RPRD2: variants seen among roughly 807,000 people sequenced by gnomAD.
RPRD2 encodes regulation of nuclear pre-mRNA domain containing 2.
A neutral mutation model predicts 104.4 loss-of-function variants in RPRD2; 12 were observed. That is an observed-to-expected ratio of 0.11 (90% CI 0.07 to 0.19). The LOEUF (loss-of-function observed/expected upper bound fraction) is 0.19. RPRD2 is among the 10% of genes least tolerant of loss of function. The pLI is 1.00. For synonymous variants in RPRD2, 714 were observed against 684.9 expected, an observed-to-expected ratio of 1.04 and a Z score of -0.66; for missense variants, 1,543 against 1,790.1, an observed-to-expected ratio of 0.86 and a Z score of 2.49.
intron 2 of RPRD2, among the ~76,000 whole-genome samples, chr1:150,421,408 G>T (rs1664746832): frequency 6.6e-6 from 1 of 152,088 alleles, no homozygotes; most frequent in Non-Finnish European, 1.5e-5. Context: ...TGAAGGAAAA[G>T]ATTTGGTATT....
At position 150,364,441 on chromosome 1, in the gene RPRD2, A is replaced by G. The variant is rs1373199447; in HGVS notation, c.-274A>G. ...TTTTCTGCGTAATTTTTCCGTGATT[A>G]CTGACTGGTTTAAACACGACCCCTT... On this transcript the variant is annotated 5_prime_UTR_variant, in exon 1 of 11. Coordinates refer to ENST00000369068, the MANE Select transcript of RPRD2 (RefSeq NM_015203.5). Among the ~76,000 whole-genome samples the G allele has an allele frequency of 1.3e-5, 2 of 151,752 alleles. No individual in the cohort carries two copies. Among genetic ancestry groups the G allele is most frequent in the African/African-American group, 4.8e-5 (2 of 41,292 alleles).
chr1:150,419,628 T>C (rs587614076), intron 2 of RPRD2, among the ~76,000 whole-genome samples: 1 of 152,316 alleles, frequency 6.6e-6, no homozygotes, highest in South Asian at 2.1e-4. Flanking sequence ...ACCTTAATTT[T>C]TTCTTTTTTT....
intron 1 of RPRD2, among the ~76,000 whole-genome samples, chr1:150,384,450 C>CATCATCATTATTATT (rs1553881396): frequency 0.017 from 2,304 of 132,158 alleles, 31 homozygotes; most frequent in Non-Finnish European, 0.026. Context: ...GCATCATCAT[C>CATCATCATTATTATT]ATTATTATTA....
chr1:150,457,653 GA>G (rs1418174485), intron 8 of RPRD2, 83 bp downstream of exon 8: 1 of 1,144,490 alleles, frequency 8.7e-7, no homozygotes, highest in Non-Finnish European at 1.3e-6. Flanking sequence ...GGCAGGTATT[GA>G]AAGATAGTTC....
At chr1:150,404,152 T>C (rs73017086) in intron 1 of RPRD2, among the ~76,000 whole-genome samples, 7,220 of 152,286 alleles carry the variant, frequency 0.047, 435 homozygotes, top group African/African-American at 0.13. Flanking sequence ...TGTGTGATTA[T>C]GTGTTTGTGT....
At chr1:150,450,127 A>G (rs1667053172) in intron 7 of RPRD2, among the ~76,000 whole-genome samples, 2 of 152,156 alleles carry the variant, frequency 1.3e-5, no homozygotes, top group Admixed American at 1.3e-4. Context: ...AAAGAGTTCA[A>G]TTTTCTGGTA....
chr1:150,381,865 G>C (rs1661161317), intron 1 of RPRD2, among the ~76,000 whole-genome samples: 1 of 152,122 alleles, frequency 6.6e-6, no homozygotes, highest in African/African-American at 2.4e-5. Context: ...TTGTACTGTT[G>C]TATGTTGGTT....
chr1:150,448,131 A>G (rs587742524), intron 7 of RPRD2, among the ~76,000 whole-genome samples: 87 of 152,114 alleles, frequency 5.7e-4, no homozygotes, highest in Admixed American at 9.8e-4. Flanking sequence ...CTATCCCTTC[A>G]ATTTTCCAGC....
At chr1:150,451,914 G>T (rs2102389583) in intron 7 of RPRD2, among the ~76,000 whole-genome samples, 1 of 152,078 alleles carries the variant, frequency 6.6e-6, no homozygotes, top group South Asian at 2.1e-4. Context: ...GCTGAGGCAG[G>T]CAGATCCCTT....
At position 150,388,139 on chromosome 1, in the gene RPRD2, A is replaced by C. The variant is rs141636517; in HGVS notation, c.205+23220A>C. Among the ~76,000 whole-genome samples, 447 of 151,128 alleles carry C rather than the reference A, an allele frequency of 3.0e-3. 4 individuals carry two copies. The highest frequency in any genetic ancestry group is 0.01 in the African/African-American group (420 of 41,192). On this transcript the variant is annotated intron_variant, in intron 1 of 10. Transcript: ENST00000369068. ...CACTATGTTGCCTAGGCTGGTCTTA[A>C]ACTCCTGAGCTCAAGCAAACCACCC...
chr1:150,441,824 G>T, intron 3 of RPRD2, 57 bp from the exon 4 acceptor site: 4 of 1,279,026 alleles, frequency 3.1e-6, no homozygotes, highest in Non-Finnish European at 4.5e-6. Flanking sequence ...GCACTGAAGT[G>T]GACAGACAGA....
chr1:150,384,558 G>A (rs1024303027), intron 1 of RPRD2, among the ~76,000 whole-genome samples: 9 of 150,668 alleles, frequency 6.0e-5, no homozygotes, highest in African/African-American at 9.8e-5. Context: ...TGCCACCTCC[G>A]CCTCCTGGGT....
chr1:150,466,106 C>T (rs781830118), intron 10 of RPRD2, among the ~76,000 whole-genome samples: 3 of 150,974 alleles, frequency 2.0e-5, no homozygotes, highest in Admixed American at 1.3e-4. Context: ...GCGCCGGGCG[C>T]GGTGGCTCAC....
At chr1:150,431,933 A>T (rs1357963129) in intron 2 of RPRD2, among the ~76,000 whole-genome samples, 1 of 152,172 alleles carries the variant, frequency 6.6e-6, no homozygotes, top group Non-Finnish European at 1.5e-5. Flanking sequence ...CAGGAAGTAG[A>T]ATCATGGTTG....
At chr1:150,469,356 T>C (rs1039225140) in intron 10 of RPRD2, among the ~76,000 whole-genome samples, 1 of 152,296 alleles carries the variant, frequency 6.6e-6, no homozygotes, top group African/African-American at 2.4e-5. Context: ...GTTAGTTTAC[T>C]GTAACCTTGA....
chr1:150,423,571 T>G (rs1408973068), intron 2 of RPRD2, among the ~76,000 whole-genome samples: 1 of 152,138 alleles, frequency 6.6e-6, no homozygotes, highest in African/African-American at 2.4e-5. Context: ...CATGATCTTT[T>G]TTGGGAAAAG....
Position 150,470,558 on chromosome 1 carries a change from C to T in RPRD2, c.1613-3C>T, listed in dbSNP as rs1668522638. The T allele has an allele frequency of 1.2e-6, 2 of 1,611,428 alleles. No individual in the cohort carries two copies. The highest frequency in any genetic ancestry group is 1.7e-6 in the Non-Finnish European group (2 of 1,178,532). On this transcript the variant is annotated splice_polypyrimidine_tract_variant and splice_region_variant and intron_variant, in intron 10 of 10. Transcript: ENST00000369068. ...TTAACCCCTCTAATCTTTGTTTCTA[C>T]AGGCCTGTCATCTTTACTTCAGAGT...
intron 1 of RPRD2, among the ~76,000 whole-genome samples, chr1:150,370,042 A>G (rs1553878050): frequency 6.6e-6 from 1 of 151,766 alleles, no homozygotes. Context: ...TCAGCCTCCC[A>G]AAGTGCTGGG....
At chr1:150,380,636 C>T (rs929961902) in intron 1 of RPRD2, among the ~76,000 whole-genome samples, 1 of 151,750 alleles carries the variant, frequency 6.6e-6, no homozygotes, top group Admixed American at 6.6e-5. Flanking sequence ...CGTGAGCCAC[C>T]ACACCCGGCT....
Sources: gnomAD v4.1 joint callset for allele counts (sites outside exome capture counted in the v4.1 genomes callset) on GRCh38, gnomAD v4.1.1 for gene constraint, MANE v1.5 for transcripts, NCBI Gene and HGNC (gene_info 2026-07-23, HGNC 2026-07-21) for gene names.